Variants in ANKRD34B observed in about 807,000 individuals in gnomAD.
The protein encoded by ANKRD34B is ankyrin repeat domain-containing protein 34B.
Under a neutral mutation model 4.4 loss-of-function variants are expected in ANKRD34B, and 2 were observed. The observed-to-expected ratio is 0.46, with a 90% CI of 0.19 to 1.44. The LOEUF (loss-of-function observed/expected upper bound fraction) is 1.44, where lower values mean the gene tolerates loss of function less well. Among genes scored for constraint, ANKRD34B ranks in the 40% most tolerant of loss-of-function variants. The probability of loss-of-function intolerance (pLI) is 0.26; values close to 1 mark genes in which losing one functional copy is unlikely to be tolerated. For synonymous variants in ANKRD34B, 226 were observed against 227.1 expected (o/e 0.99, Z 0.05); for missense variants, 558 against 604.7 (o/e 0.92, Z 0.81).
At position 80,558,356 on chromosome 5, in the gene ANKRD34B, C is replaced by G; in HGVS notation, c.*119G>C. 1.3e-6 allele frequency: 1 copy of G among 755,988 alleles called. No homozygotes were observed. Among genetic ancestry groups the G allele is most frequent in the South Asian group, 1.9e-5 (1 of 52,444 alleles). 46.8% of individuals were successfully genotyped at this position (755,988 alleles called of 1,614,324 possible). ...CAAATCACATTACATTTTAATCCATCTAGCCATTATGGACTAACCAATCAC... is the reference window on the plus strand; with the variant it reads ...CAAATCACATTACATTTTAATCCATGTAGCCATTATGGACTAACCAATCAC... On this transcript the variant is annotated 3_prime_UTR_variant, in exon 5 of 5. Transcript: ENST00000338682.
intron 3 of ANKRD34B, among the ~76,000 whole-genome samples, chr5:80,566,229 G>A (rs964319384): frequency 6.6e-6 from 1 of 152,118 alleles, no homozygotes; most frequent in Non-Finnish European, 1.5e-5. Context: ...TAGACCCAGG[G>A]AGGCTGCTTA....
intron 4 of ANKRD34B, among the ~76,000 whole-genome samples, chr5:80,560,762 T>G (rs1413695188): frequency 6.6e-6 from 1 of 152,246 alleles, no homozygotes; most frequent in Non-Finnish European, 1.5e-5. Flanking sequence ...TATTGGTAGC[T>G]TAATGTAAAA....
In ANKRD34B at chr5:80,558,808, C is replaced by T; in HGVS notation, c.1212G>A (p.Leu404=). The T allele has an allele frequency of 6.2e-7, 1 of 1,614,064 alleles. No homozygotes were observed. Among genetic ancestry groups the T allele is most frequent in the Non-Finnish European group, 8.5e-7 (1 of 1,180,006 alleles). ...TCTCCAACAATTCTTTGGACTCTGA[C>T]AATTGGGAAGGAGATGGTGAGAGGA... The part of the protein sequence containing the change: ...KKILSPSPSQ[L]SESKELLENI... Residue 404 remains leucine (L), a synonymous_variant, in exon 5 of 5, where the codon TTG becomes TTA. Coordinates refer to ENST00000338682, the MANE Select transcript of ANKRD34B (RefSeq NM_001004441.3).
At position 80,558,868 on chromosome 5, in the gene ANKRD34B, T is replaced by C. The variant is rs185382550; in HGVS notation, c.1152A>G (p.Ser384=). 13 of 1,613,982 alleles carry C rather than the reference T, an allele frequency of 8.1e-6. No individual in the cohort carries two copies. The highest frequency in any genetic ancestry group is 2.5e-6 in the Non-Finnish European group (3 of 1,180,000). The change falls in exon 5 of 5, where the codon TCA becomes TCG. Residue 384 remains serine, a synonymous_variant. Transcript: ENST00000338682. ...QLSAGLTPPT[S]EDGKALIGKK... ...TTCCTATAAGTGCTTTGCCGTCTTC[T>C]GAAGTTGGAGGGGTAAGGCCAGCTG...
chr5:80,569,592 CAGCCCCTCCGGAGACGCGCCCA>C (rs1746693062), intron 1 of ANKRD34B, among the ~76,000 whole-genome samples: 2 of 7,864 alleles, frequency 2.5e-4, no homozygotes, highest in African/African-American at 4.5e-4. Flanking sequence ...GCGCCCAAGT[CAGCCCCTCCGGAGACGCGCCCA>C]AGTCAGCCCC....
Position 80,558,351 on chromosome 5 carries a change from T to A in ANKRD34B, c.*124A>T. 1.4e-6 allele frequency: 1 copy of A among 718,702 alleles called. No individual in the cohort carries two copies. The highest frequency in any genetic ancestry group is 2.2e-6 in the Non-Finnish European group (1 of 447,084). 44.5% of individuals were successfully genotyped at this position (718,702 alleles called of 1,614,324 possible). On this transcript the variant is annotated 3_prime_UTR_variant, in exon 5 of 5. Coordinates refer to ENST00000338682, the MANE Select transcript of ANKRD34B (RefSeq NM_001004441.3). ...TAGTACAAATCACATTACATTTTAA[T>A]CCATCTAGCCATTATGGACTAACCA...
In ANKRD34B at chr5:80,558,673, G is replaced by C. The variant is rs535351584; in HGVS notation, c.1347C>G (p.Leu449=). The C allele has an allele frequency of 1.6e-5, 26 of 1,614,088 alleles. 1 individual carries two copies. The East Asian group carries it at 5.1e-4, about 32-fold the overall frequency. The part of the protein sequence containing the change: ...HSVTQTRQGF[L]PPLNVNSHPP... ...GGTGAGAATTTACATTTAAGGGTGGGAGAAACCCTTGTCTGGTTTGGGTAA... is the reference window on the plus strand; with the variant it reads ...GGTGAGAATTTACATTTAAGGGTGGCAGAAACCCTTGTCTGGTTTGGGTAA... The change falls in exon 5 of 5, where the codon CTC becomes CTG. Residue 449 remains leucine (L), a synonymous_variant. Transcript: ENST00000338682.
chr5:80,559,380 G>T lies in ANKRD34B; in HGVS notation c.640C>A (p.Leu214Ile). 2 of 1,614,214 alleles carry T rather than the reference G, an allele frequency of 1.2e-6. No homozygotes were observed. The highest frequency in any genetic ancestry group is 1.7e-6 in the Non-Finnish European group (2 of 1,180,044). ...TELTLFGFKD[L>I]ELAGSNDDTW... ...TCATCATTGCTTCCAGCAAGCTCAA[G>T]ATCTTTAAAGCCAAAAAGCGTCAGT... Residue 214 changes from leucine to isoleucine, a missense_variant, in exon 5 of 5, where the codon CTT becomes ATT. Leu to Ile is a conservative substitution (Grantham distance 5, BLOSUM62 2). Transcript: ENST00000338682.
chr5:80,559,302 G>A lies in ANKRD34B; in HGVS notation c.718C>T (p.Pro240Ser), dbSNP rs1254141337. ...CAGGGTGGAGCGTGGGGGAGCTTGG[G>A]CCCCTTAGGGGCCAATGCAGGTTTC... is the stretch of plus-strand genomic sequence containing the variant. ...VRKPALAPKG[P>S]KLPHAPPWVK... The change falls in exon 5 of 5, where the codon CCC (proline) becomes TCC (serine). Residue 240 changes from proline to serine, a missense_variant. By Grantham distance (74) the Pro-to-Ser change is moderately conservative (BLOSUM62 -1). Coordinates refer to ENST00000338682, the MANE Select transcript of ANKRD34B (RefSeq NM_001004441.3). The A allele has an allele frequency of 1.2e-6, 2 of 1,613,984 alleles. No homozygotes were observed. Among genetic ancestry groups the A allele is most frequent in the African/African-American group, 2.7e-5 (2 of 74,884 alleles).
chr5:80,562,782 A>C (rs1002198240), intron 4 of ANKRD34B, among the ~76,000 whole-genome samples: 1 of 152,242 alleles, frequency 6.6e-6, no homozygotes, highest in Non-Finnish European at 1.5e-5. Context: ...CCACATGTTT[A>C]GGTTCTTTCT....
At chr5:80,565,120 G>C (rs911317728) in intron 3 of ANKRD34B, among the ~76,000 whole-genome samples, 2 of 152,230 alleles carry the variant, frequency 1.3e-5, no homozygotes, top group African/African-American at 4.8e-5. Context: ...TACATGTTCA[G>C]GTTCTTTCTG....
Position 80,558,872 on chromosome 5 carries a change from G to A in ANKRD34B, c.1148C>T (p.Thr383Ile). ...TATAAGTGCTTTGCCGTCTTCTGAA[G>A]TTGGAGGGGTAAGGCCAGCTGAGAG... ...SQLSAGLTPPTSEDGKALIGK... is the reference protein window; with the variant it reads ...SQLSAGLTPPISEDGKALIGK... Residue 383 changes from threonine (T) to isoleucine (I), a missense_variant, in exon 5 of 5, where the codon ACT becomes ATT. Physicochemically the swap from Thr to Ile is moderately conservative, Grantham distance 89 (BLOSUM62 -1). Coordinates refer to ENST00000338682, the MANE Select transcript of ANKRD34B (RefSeq NM_001004441.3). The A allele has an allele frequency of 6.2e-7, 1 of 1,614,076 alleles. No individual in the cohort carries two copies. The highest frequency in any genetic ancestry group is 8.5e-7 in the Non-Finnish European group (1 of 1,180,018).
At position 80,567,169 on chromosome 5, in the gene ANKRD34B, G is replaced by T. The variant is rs150381016; in HGVS notation, c.-190-395C>A. 1.6e-3 allele frequency among the ~76,000 whole-genome samples: 247 copies of T among 152,290 alleles called. 1 individual carries two copies. The highest frequency in any genetic ancestry group is 5.6e-3 in the African/African-American group (232 of 41,558). The stretch of plus-strand genomic sequence containing the variant: ...TCACCTTGCTTCTTGGATGAGCTTC[G>T]CACGGAGTAGGACTGTTTTGAGGGC... On this transcript the variant is annotated intron_variant, in intron 2 of 4. Coordinates refer to ENST00000338682, the MANE Select transcript of ANKRD34B (RefSeq NM_001004441.3).
At position 80,558,844 on chromosome 5, in the gene ANKRD34B, T is replaced by C. The variant is rs1185505961; in HGVS notation, c.1176A>G (p.Gly392=). The change falls in exon 5 of 5, where the codon GGA becomes GGG. Residue 392 remains glycine, a synonymous_variant. Coordinates refer to ENST00000338682, the MANE Select transcript of ANKRD34B (RefSeq NM_001004441.3). ...PTSEDGKALI[G]KKKILSPSPS... is the part of the protein sequence containing the mutation. Reference sequence around the variant, plus strand: ...GAGATGGTGAGAGGATCTTTTTCTTTCCTATAAGTGCTTTGCCGTCTTCTG... The same window carrying C: ...GAGATGGTGAGAGGATCTTTTTCTTCCCTATAAGTGCTTTGCCGTCTTCTG... The C allele has an allele frequency of 1.2e-6, 2 of 1,613,858 alleles. No homozygotes were observed. Among genetic ancestry groups the C allele is most frequent in the Non-Finnish European group, 1.7e-6 (2 of 1,179,970 alleles).
Position 80,559,251 on chromosome 5 carries a change from G to T in ANKRD34B, c.769C>A (p.His257Asn), listed in dbSNP as rs372708315. The change falls in exon 5 of 5, where the codon CAC (histidine) becomes AAC (asparagine). Residue 257 changes from histidine (H) to asparagine (N), a missense_variant. Coordinates refer to ENST00000338682, the MANE Select transcript of ANKRD34B (RefSeq NM_001004441.3). The part of the protein sequence containing the change: ...PWVKSPPLLM[H>N]QNRVASLQEE... ...TGCAATGAAGCCACTCTGTTCTGGT[G>T]CATTAATAATGGGGGACTCTTGACC... 22 of 1,614,208 alleles carry T rather than the reference G, an allele frequency of 1.4e-5. No homozygotes were observed. In the African/African-American group the frequency reaches 2.8e-4, roughly 21 times the overall value.
chr5:80,558,899 T>C lies in ANKRD34B; in HGVS notation c.1121A>G (p.Gln374Arg). ...TGGAGGGGTAAGGCCAGCTGAGAGC[T>C]GGGAATCAGAGCTGTAGTGATTTGC... is the stretch of plus-strand genomic sequence containing the variant. Reference protein sequence around the residue: ...LGANHYSSDSQLSAGLTPPTS... With the variant: ...LGANHYSSDSRLSAGLTPPTS... The change falls in exon 5 of 5, where the codon CAG (glutamine) becomes CGG (arginine). Residue 374 changes from glutamine to arginine, a missense_variant. By Grantham distance (43) the Gln-to-Arg change is conservative (BLOSUM62 1). Transcript: ENST00000338682. 1 of 1,614,174 alleles carries C rather than the reference T, an allele frequency of 6.2e-7. No individual in the cohort carries two copies. The highest frequency in any genetic ancestry group is 1.6e-4 in the Middle Eastern group (1 of 6,062).
intron 2 of ANKRD34B, among the ~76,000 whole-genome samples, chr5:80,567,020 G>A (rs950623151): frequency 3.3e-5 from 5 of 152,120 alleles, no homozygotes; most frequent in African/African-American, 1.2e-4. Context: ...GAAGGGCCTC[G>A]GCACTCACTT....
At position 80,557,122 on chromosome 5, in the gene ANKRD34B, G is replaced by A. The variant is rs534570080; in HGVS notation, c.*1353C>T. 106 of 152,658 alleles carry A rather than the reference G, an allele frequency of 6.9e-4. No homozygotes were observed. Among genetic ancestry groups the A allele is most frequent in the Middle Eastern group, 6.8e-3 (2 of 294 alleles). 9.5% of individuals were successfully genotyped at this position (152,658 alleles called of 1,614,324 possible). ...ACTTGGAAGGCAAAGAAAGTTGTAC[G>A]TGACAATCATCAAATTAATACACTT... On this transcript the variant is annotated 3_prime_UTR_variant, in exon 5 of 5. Coordinates refer to ENST00000338682, the MANE Select transcript of ANKRD34B (RefSeq NM_001004441.3).
At chr5:80,566,846 A>G (rs993028559) in intron 2 of ANKRD34B, 72 bp from the exon 3 acceptor site, 2 of 152,564 alleles carry the variant, frequency 1.3e-5, no homozygotes, top group African/African-American at 4.8e-5. Flanking sequence ...TCCCATTTGG[A>G]GTCTAGTTTT....
Sources: gnomAD v4.1 joint callset for allele counts (sites outside exome capture counted in the v4.1 genomes callset) on GRCh38, gnomAD v4.1.1 for gene constraint, MANE v1.5 for transcripts, NCBI Gene and HGNC (gene_info 2026-07-23, HGNC 2026-07-21) for gene names.